The following STK32B variants were observed in gnomAD, a reference collection of about 807,000 sequenced individuals.
STK32B encodes serine/threonine-protein kinase 32B.
A neutral mutation model predicts 52.6 loss-of-function variants in STK32B; 43 were observed. That is an observed-to-expected ratio of 0.82 (90% CI 0.64 to 1.05). The LOEUF (loss-of-function observed/expected upper bound fraction) is 1.05. Ranked by LOEUF, STK32B falls within the 50% of genes least tolerant of loss-of-function variation. The pLI is 0.00. For synonymous variants in STK32B, 238 were observed against 204.3 expected (o/e 1.17, Z -1.41); for missense variants, 621 against 534.6 (o/e 1.16, Z -1.59).
chr4:5,377,042 C>T (rs962760094), intron 4 of STK32B, among the ~76,000 whole-genome samples: 1 of 152,188 alleles, frequency 6.6e-6, no homozygotes, highest in African/African-American at 2.4e-5. Context: ...CTGCCCCCAG[C>T]TCTCCCCACA....
At chr4:5,489,509 G>A (rs887012800) in intron 11 of STK32B, among the ~76,000 whole-genome samples, 1 of 151,982 alleles carries the variant, frequency 6.6e-6, no homozygotes, top group Non-Finnish European at 1.5e-5. Context: ...CATAGAAAAA[G>A]CAAAATATAA....
At chr4:5,170,107 T>G (rs1217492111) in intron 3 of STK32B, among the ~76,000 whole-genome samples, 1 of 152,192 alleles carries the variant, frequency 6.6e-6, no homozygotes. Context: ...CATTCTGTCA[T>G]GTGGGTTACT....
At chr4:5,424,404 T>C (rs1712906122) in intron 6 of STK32B, among the ~76,000 whole-genome samples, 1 of 151,964 alleles carries the variant, frequency 6.6e-6, no homozygotes. Context: ...CTGACCGGAG[T>C]GAGAACTTGT....
At chr4:5,455,731 G>C (rs1178133045) in intron 7 of STK32B, among the ~76,000 whole-genome samples, 2 of 152,146 alleles carry the variant, frequency 1.3e-5, no homozygotes, top group East Asian at 3.9e-4. Context: ...CTGGGACCCT[G>C]CTCGATGACA....
At chr4:5,187,839 G>T (rs1257069578) in intron 3 of STK32B, among the ~76,000 whole-genome samples, 3 of 152,176 alleles carry the variant, frequency 2.0e-5, no homozygotes, top group African/African-American at 2.4e-5. Context: ...CAACTTCTGT[G>T]AGTTAGGCCC....
intron 6 of STK32B, among the ~76,000 whole-genome samples, chr4:5,443,829 C>T (rs1357703392): frequency 6.6e-6 from 1 of 152,048 alleles, no homozygotes; most frequent in Non-Finnish European, 1.5e-5. Flanking sequence ...AGACAGGACC[C>T]TCAGCTGCAG....
intron 6 of STK32B, among the ~76,000 whole-genome samples, chr4:5,419,951 A>G (rs1190459600): frequency 1.3e-5 from 2 of 152,228 alleles, no homozygotes; most frequent in African/African-American, 2.4e-5. Flanking sequence ...GGTATTTACT[A>G]TATGTCAGGT....
intron 1 of STK32B, among the ~76,000 whole-genome samples, chr4:5,074,369 A>AT (rs1216554434): frequency 6.6e-6 from 1 of 151,522 alleles, no homozygotes; most frequent in Admixed American, 6.6e-5. Flanking sequence ...TAGGACTTTC[A>AT]TTTTTTTCCC....
chr4:5,023,949 T>C, the STK32B span, among the ~76,000 whole-genome samples: 320 of 152,258 alleles, frequency 2.1e-3, 1 homozygote, highest in African/African-American at 7.5e-3. Flanking sequence ...CTATGTCAGT[T>C]AGGACTGTAG....
rs201343791 is a variant in STK32B at position 5,175,494 on chromosome 4, TTC to T, written c.260+7046_260+7047del. 2.1e-3 allele frequency among the ~76,000 whole-genome samples: 325 copies of T among 152,310 alleles called. 6 individuals carry two copies. The East Asian group carries it at 0.052, about 24-fold the overall frequency. ...AGATGGGTTTTTGGTGTGGATGTCT[TTC>T]TGTTTTTTAGTTTTCCTTCTAACAG... On this transcript the variant is annotated intron_variant, in intron 3 of 11. Coordinates refer to ENST00000282908, the MANE Select transcript of STK32B (RefSeq NM_018401.3).
intron 4 of STK32B, among the ~76,000 whole-genome samples, chr4:5,389,877 A>G (rs11728791): frequency 0.079 from 12,039 of 152,290 alleles, 559 homozygotes; most frequent in African/African-American, 0.12. Context: ...TGGAATCACA[A>G]GGCTCCTGCC....
intron 1 of STK32B, among the ~76,000 whole-genome samples, chr4:5,128,089 A>T (rs374154303): frequency 3.9e-5 from 6 of 152,280 alleles, no homozygotes; most frequent in East Asian, 1.9e-4. Flanking sequence ...GCAGCGTGAA[A>T]ACAGACTAAT....
intron 5 of STK32B, among the ~76,000 whole-genome samples, chr4:5,409,409 T>G (rs1737877488): frequency 6.6e-6 from 1 of 152,008 alleles, no homozygotes; most frequent in African/African-American, 2.4e-5. Context: ...TTAATATGAT[T>G]CATAAAATCA....
intron 10 of STK32B, 24 bp downstream of exon 10, chr4:5,466,858 C>A: frequency 6.2e-7 from 1 of 1,607,636 alleles, no homozygotes; most frequent in South Asian, 1.1e-5. Context: ...GGGAGCCGTT[C>A]CGGGAGAGAA....
At chr4:5,147,940 T>G (rs761561297) in intron 2 of STK32B, among the ~76,000 whole-genome samples, 1 of 151,972 alleles carries the variant, frequency 6.6e-6, no homozygotes, top group Non-Finnish European at 1.5e-5. Context: ...GTCATTTTCC[T>G]TCTCTGTTTT....
chr4:5,368,278 AGTTAG>A (rs1735004502), intron 4 of STK32B, among the ~76,000 whole-genome samples: 1 of 151,478 alleles, frequency 6.6e-6, no homozygotes, highest in African/African-American at 2.4e-5. Flanking sequence ...CAACGTCATG[AGTTAG>A]GTCTACTATT....
chr4:5,371,042 A>ATGTG lies in STK32B; in HGVS notation c.435-27153_435-27150dup, dbSNP rs976048781. Among the ~76,000 whole-genome samples the ATGTG allele has an allele frequency of 4.6e-3, 688 of 149,314 alleles. 4 individuals carry two copies. The highest frequency in any genetic ancestry group is 0.016 in the African/African-American group (629 of 39,962). On this transcript the variant is annotated intron_variant, in intron 4 of 11. Coordinates refer to ENST00000282908, the MANE Select transcript of STK32B (RefSeq NM_018401.3). ...TATATGTGTATATATATGTATATATATGTGTGTGTGTGTGTATATATTCTA... is the reference window on the plus strand; with the variant it reads ...TATATGTGTATATATATGTATATATATGTGTGTGTGTGTGTGTGTATATATTCTA...
At chr4:5,152,033 T>C (rs895943294) in intron 2 of STK32B, among the ~76,000 whole-genome samples, 3 of 152,194 alleles carry the variant, frequency 2.0e-5, no homozygotes, top group Non-Finnish European at 4.4e-5. Context: ...CGCCATGTGA[T>C]CCAAGTCCAA....
chr4:5,304,869 C>T (rs529436533), intron 3 of STK32B, among the ~76,000 whole-genome samples: 1 of 152,122 alleles, frequency 6.6e-6, no homozygotes, highest in South Asian at 2.1e-4. Flanking sequence ...CCCTTCTATG[C>T]TGATTTTGTT....
Sources: allele counts gnomAD v4.1 joint callset (sites outside exome capture counted in the v4.1 genomes callset), GRCh38; gene constraint gnomAD v4.1.1; transcripts MANE v1.5; gene names NCBI Gene and HGNC (gene_info 2026-07-23, HGNC 2026-07-21).